Variants in CEACAM6 observed in about 807,000 individuals in gnomAD.
CEACAM6 encodes the protein cell adhesion molecule CEACAM6.
CEACAM6 carries 21 observed loss-of-function variants against 32.4 expected under a neutral mutation model. The observed-to-expected ratio is 0.65, with a 90% CI of 0.46 to 0.93. The LOEUF (loss-of-function observed/expected upper bound fraction) is 0.93. Ranked by LOEUF, CEACAM6 falls within the 40% of genes least tolerant of loss-of-function variation. The probability of loss-of-function intolerance (pLI) is 0.00; values close to 1 mark genes in which losing one functional copy is unlikely to be tolerated. For synonymous variants in CEACAM6, 184 were observed against 174.4 expected, an observed-to-expected ratio of 1.06 and a Z score of -0.43; for missense variants, 406 against 432.2, an observed-to-expected ratio of 0.94 and a Z score of 0.54.
At chr19:41,762,545 G>C (rs2072933117) in intron 4 of CEACAM6, among the ~76,000 whole-genome samples, 3 of 152,158 alleles carry the variant, frequency 2.0e-5, no homozygotes, top group Non-Finnish European at 4.4e-5. Context: ...TCAGGGTCAA[G>C]TTCCTGCTCT....
intron 4 of CEACAM6, among the ~76,000 whole-genome samples, 170 bp downstream of exon 4, chr19:41,762,393 T>G (rs1471916217): frequency 2.0e-5 from 3 of 152,074 alleles, no homozygotes; most frequent in Admixed American, 2.0e-4. Flanking sequence ...TTCCCCTTGT[T>G]TTTTTGTTTT....
intron 2 of CEACAM6, among the ~76,000 whole-genome samples, chr19:41,757,473 T>C (rs1363548153): frequency 6.6e-6 from 1 of 152,108 alleles, no homozygotes; most frequent in African/African-American, 2.4e-5. Flanking sequence ...CCAAGGGCCA[T>C]GACTCCTGGA....
rs1555821067 is a variant in CEACAM6, at chr19:41,756,600, C to T, written c.65C>T (p.Ala22Val). ...HVPWKEVLLTASLLTFWNPPT... is the reference protein window; with the variant it reads ...HVPWKEVLLTVSLLTFWNPPT... Reference sequence around the variant, plus strand: ...ACCGATGCTCTCTCCTCTCTCCTAGCCTCACTTCTAACCTTCTGGAACCCA... The same window carrying T: ...ACCGATGCTCTCTCCTCTCTCCTAGTCTCACTTCTAACCTTCTGGAACCCA... Residue 22 changes from alanine to valine, a missense_variant and splice_region_variant, in exon 2 of 6, where the codon GCC becomes GTC. Coordinates refer to ENST00000199764, the MANE Select transcript of CEACAM6 (RefSeq NM_002483.7). The T allele has an allele frequency of 1.1e-5, 17 of 1,613,076 alleles. No individual in the cohort carries two copies. Among genetic ancestry groups the T allele is most frequent in the Admixed American group, 1.7e-5 (1 of 59,962 alleles).
At chr19:41,765,544 C>T (rs2072951011) in intron 4 of CEACAM6, among the ~76,000 whole-genome samples, 1 of 152,188 alleles carries the variant, frequency 6.6e-6, no homozygotes, top group African/African-American at 2.4e-5. Context: ...GGTGGAGCAG[C>T]AGTGACAGGA....
chr19:41,762,343 T>C, intron 4 of CEACAM6, 120 bp downstream of exon 4: 1 of 1,163,474 alleles, frequency 8.6e-7, no homozygotes, highest in Non-Finnish European at 1.2e-6. Flanking sequence ...AAATCCCAAA[T>C]TCTCCCCTGA....
chr19:41,756,284 G>A (rs1006659534), intron 1 of CEACAM6, among the ~76,000 whole-genome samples: 1 of 152,130 alleles, frequency 6.6e-6, no homozygotes, highest in Non-Finnish European at 1.5e-5. Context: ...TCTGTAGAGG[G>A]GGTGTCAGGG....
intron 5 of CEACAM6, among the ~76,000 whole-genome samples, chr19:41,768,497 T>C (rs1185850540): frequency 1.3e-5 from 2 of 152,280 alleles, no homozygotes; most frequent in Non-Finnish European, 2.9e-5. Flanking sequence ...CCATGTCTAC[T>C]TCTTTCTACA....
At chr19:41,760,472 T>A (rs2072915892) in intron 2 of CEACAM6, among the ~76,000 whole-genome samples, 1 of 152,180 alleles carries the variant, frequency 6.6e-6, no homozygotes. Flanking sequence ...CACAGGGTCC[T>A]CACCTGCCCT....
rs539227369 is a variant in CEACAM6 at position 41,760,762 on chromosome 19, C to A, written c.425-487C>A. 2.0e-5 allele frequency among the ~76,000 whole-genome samples: 3 copies of A among 152,332 alleles called. No homozygotes were observed. The South Asian group carries it at 6.2e-4, about 32-fold the overall frequency. ...AAAGGTCCAATCCCAGGCCAGGCTG[C>A]ACAGTATCCTTGGGGTTTAAGGACA... On this transcript the variant is annotated intron_variant, in intron 2 of 5. Transcript: ENST00000199764.
intron 4 of CEACAM6, among the ~76,000 whole-genome samples, chr19:41,765,916 A>C (rs2072952884): frequency 6.6e-6 from 1 of 152,250 alleles, no homozygotes; most frequent in Admixed American, 6.5e-5. Context: ...AGAAAGTTCT[A>C]ATGACATGCA....
chr19:41,755,812 C>T (rs2122899456), intron 1 of CEACAM6, 110 bp downstream of exon 1: 1 of 815,682 alleles, frequency 1.2e-6, no homozygotes. Context: ...TTTGTTGAAG[C>T]CTGAGGAAAC....
intron 4 of CEACAM6, among the ~76,000 whole-genome samples, chr19:41,764,506 T>C (rs1600499052): frequency 6.6e-6 from 1 of 151,954 alleles, no homozygotes; most frequent in African/African-American, 2.4e-5. Flanking sequence ...CATAGGCTGG[T>C]CATGACTTTC....
In CEACAM6 at chr19:41,771,227, A is replaced by G. The variant is rs2072992646; in HGVS notation, c.*466A>G. ...TATCTTGTCAATCCCAACGTTTTAC[A>G]TAAAATAAGAGATCCTTTAGTGCAC... On this transcript the variant is annotated 3_prime_UTR_variant, in exon 6 of 6. Transcript: ENST00000199764. 2 of 152,222 alleles carry G rather than the reference A, an allele frequency of 1.3e-5. No individual in the cohort carries two copies. The highest frequency in any genetic ancestry group is 2.9e-5 in the Non-Finnish European group (2 of 68,046). 9.4% of individuals were successfully genotyped at this position (152,222 alleles called of 1,614,324 possible). A position where few individuals can be genotyped will look rare whatever the true frequency, so the allele number is the denominator to read the frequency against.
At chr19:41,767,830 A>G (rs1297227970) in intron 5 of CEACAM6, among the ~76,000 whole-genome samples, 3 of 152,196 alleles carry the variant, frequency 2.0e-5, no homozygotes, top group Non-Finnish European at 2.9e-5. Flanking sequence ...GAACTCAGTA[A>G]TCTAACTGAG....
rs112605825 is a variant in CEACAM6 at position 41,757,057 on chromosome 19, T to G, written c.424+98T>G. 4,903 of 1,521,830 alleles carry G rather than the reference T, an allele frequency of 3.2e-3. 128 individuals carry two copies. In the African/African-American group the frequency reaches 0.055, roughly 17 times the overall value. The allele number at this position is 1,521,830 out of a possible 1,614,324, so 94.3% of individuals were successfully genotyped here. On this transcript the variant is annotated intron_variant, in intron 2 of 5. Coordinates refer to ENST00000199764, the MANE Select transcript of CEACAM6 (RefSeq NM_002483.7). Reference sequence around the variant, plus strand: ...GGTTGTGCCTGTGGCCCTCTCTGCATTACATCCTGTATCAGGGTTTGGACA... The same window carrying G: ...GGTTGTGCCTGTGGCCCTCTCTGCAGTACATCCTGTATCAGGGTTTGGACA...
At chr19:41,768,801 G>T (rs113369073) in intron 5 of CEACAM6, among the ~76,000 whole-genome samples, 2 of 152,144 alleles carry the variant, frequency 1.3e-5, no homozygotes, top group African/African-American at 2.4e-5. Flanking sequence ...CAGTAGGGGC[G>T]GCCGGGCAGA....
chr19:41,762,560 C>G (rs2072933206), intron 4 of CEACAM6, among the ~76,000 whole-genome samples: 1 of 152,176 alleles, frequency 6.6e-6, no homozygotes, highest in South Asian at 2.1e-4. Flanking sequence ...TGCTCTCTGT[C>G]ACCAACAATT....
At chr19:41,767,157 A>T (rs2072961646) in intron 5 of CEACAM6, among the ~76,000 whole-genome samples, 2 of 152,076 alleles carry the variant, frequency 1.3e-5, no homozygotes, top group South Asian at 4.1e-4. Context: ...CTCTCTACAC[A>T]TCCCTGCCCC....
chr19:41,761,007 C>T (rs2072919524), intron 2 of CEACAM6, among the ~76,000 whole-genome samples: 1 of 152,176 alleles, frequency 6.6e-6, no homozygotes, highest in Non-Finnish European at 1.5e-5. Flanking sequence ...CTGTCCATGA[C>T]CCAATGCTGC....
Sources: allele counts gnomAD v4.1 joint callset (sites outside exome capture counted in the v4.1 genomes callset), GRCh38; gene constraint gnomAD v4.1.1; transcripts MANE v1.5; gene names NCBI Gene and HGNC (gene_info 2026-07-23, HGNC 2026-07-21).